KSR2: variants seen among roughly 807,000 people sequenced by gnomAD.
KSR2 encodes kinase suppressor of ras 2.
A neutral mutation model predicts 107.8 loss-of-function variants in KSR2; 25 were observed. The ratio of observed to expected loss-of-function variants is 0.23; its 90% confidence interval spans 0.17 to 0.32. The LOEUF (loss-of-function observed/expected upper bound fraction) is 0.32. KSR2 is among the 10% of genes least tolerant of loss of function. The pLI is 1.00. For missense variants in KSR2, 887 were observed against 1,268.9 expected, an observed-to-expected ratio of 0.70 and a Z score of 4.57; for synonymous variants, 480 against 507.0, an observed-to-expected ratio of 0.95 and a Z score of 0.71.
chr12:117,968,611 AAGGAGGAGAGAGAGGAGGAGGGAGAGG>A lies in KSR2; in HGVS notation c.-383_-357del. 1 of 416,630 alleles carries A rather than the reference AAGGAGGAGAGAGAGGAGGAGGGAGAGG, an allele frequency of 2.4e-6. No individual in the cohort carries two copies. Among genetic ancestry groups the A allele is most frequent in the Non-Finnish European group, 3.5e-6 (1 of 287,716 alleles). 25.8% of individuals were successfully genotyped at this position (416,630 alleles called of 1,614,324 possible). A position where few individuals can be genotyped will look rare whatever the true frequency, so the allele number is the denominator to read the frequency against. On this transcript the variant is annotated 5_prime_UTR_variant, in exon 1 of 20. Transcript: ENST00000339824. ...GGAGGAGGAGGAAAAAGAAGAGGAGAAGGAGGAGAGAGAGGAGGAGGGAGAGGAGGAGGAGGGAGAGGAGGAGGAGGA... is the reference window on the plus strand; with the variant it reads ...GGAGGAGGAGGAAAAAGAAGAGGAGAAGGAGGAGGGAGAGGAGGAGGAGGA...
intron 5 of KSR2, among the ~76,000 whole-genome samples, chr12:117,609,979 C>T (rs1442647483): frequency 6.6e-6 from 1 of 152,186 alleles, no homozygotes; most frequent in African/African-American, 2.4e-5. Context: ...CCTGAGCTGA[C>T]CCAACTTCCT....
chr12:117,610,077 A>G (rs371230114), intron 5 of KSR2, among the ~76,000 whole-genome samples: 162 of 152,236 alleles, frequency 1.1e-3, no homozygotes, highest in African/African-American at 3.5e-3. Context: ...GAGTCTGCTT[A>G]TATCGTTTTC....
intron 1 of KSR2, among the ~76,000 whole-genome samples, chr12:117,870,795 T>C (rs1328061721): frequency 3.3e-5 from 5 of 151,534 alleles, no homozygotes; most frequent in Non-Finnish European, 7.4e-5. Flanking sequence ...GAGGAGTGAG[T>C]TTAGGAAGCA....
chr12:117,644,524 G>A (rs1020796149), intron 5 of KSR2, among the ~76,000 whole-genome samples: 11 of 152,132 alleles, frequency 7.2e-5, no homozygotes, highest in African/African-American at 2.7e-4. Context: ...TATCCTCCAG[G>A]GGCTCTGATG....
chr12:117,543,670 T>C (rs1057511074), intron 9 of KSR2, among the ~76,000 whole-genome samples: 1 of 152,208 alleles, frequency 6.6e-6, no homozygotes, highest in Non-Finnish European at 1.5e-5. Flanking sequence ...TTCCAATCCA[T>C]GAACATGGTA....
intron 4 of KSR2, among the ~76,000 whole-genome samples, chr12:117,686,422 G>C (rs953101149): frequency 6.6e-6 from 1 of 151,922 alleles, no homozygotes; most frequent in Non-Finnish European, 1.5e-5. Flanking sequence ...CAGAGGGTCA[G>C]AGAGGCTAGG....
intron 18 of KSR2, among the ~76,000 whole-genome samples, chr12:117,470,046 T>A (rs1040648886): frequency 1.3e-5 from 2 of 151,584 alleles, no homozygotes; most frequent in African/African-American, 4.9e-5. Context: ...CATCTACCCA[T>A]CCAGTCAATT....
At chr12:117,855,634 C>T in intron 2 of KSR2, 56 bp from the exon 3 acceptor site, 1 of 1,568,352 alleles carries the variant, frequency 6.4e-7, no homozygotes, top group East Asian at 2.3e-5. Context: ...TCTCTGCCTC[C>T]ACGCTGCCCT....
At chr12:117,542,141 C>G (rs146264827) in intron 9 of KSR2, among the ~76,000 whole-genome samples, 117 of 152,234 alleles carry the variant, frequency 7.7e-4, no homozygotes, top group African/African-American at 2.6e-3. Context: ...ATCCTCCCCC[C>G]TCAGCCTCCC....
At position 117,526,316 on chromosome 12, in the gene KSR2, C is replaced by T. The variant is rs183439531; in HGVS notation, c.1851+755G>A. Among the ~76,000 whole-genome samples the T allele has an allele frequency of 2.3e-3, 355 of 152,278 alleles. 2 individuals carry two copies. Among genetic ancestry groups the T allele is most frequent in the Non-Finnish European group, 3.2e-3 (220 of 68,028 alleles). ...TTGGGGGCGAATTGCCTCTTGGATT[C>T]TCCTGCAGAATTGTGGGAGCAGCAG... On this transcript the variant is annotated intron_variant, in intron 13 of 19. Transcript: ENST00000339824.
At chr12:117,555,385 C>T in intron 8 of KSR2, 92 bp from the exon 9 acceptor site, 1 of 1,324,794 alleles carries the variant, frequency 7.5e-7, no homozygotes, top group South Asian at 1.3e-5. Flanking sequence ...ACCTCTTAGA[C>T]CCACCCTCCA....
chr12:117,637,938 A>G (rs1367217718), intron 5 of KSR2, among the ~76,000 whole-genome samples: 2 of 152,122 alleles, frequency 1.3e-5, no homozygotes, highest in Non-Finnish European at 2.9e-5. Context: ...CATAAACAGA[A>G]AAAACAGGAA....
chr12:117,859,233 T>C (rs76280850), intron 2 of KSR2, among the ~76,000 whole-genome samples: 2,831 of 148,638 alleles, frequency 0.019, 89 homozygotes, highest in African/African-American at 0.067. Flanking sequence ...GCAACATCTG[T>C]CTCACAGGTT....
intron 4 of KSR2, among the ~76,000 whole-genome samples, chr12:117,751,414 C>T (rs1888607821): frequency 6.6e-6 from 1 of 152,146 alleles, no homozygotes; most frequent in Admixed American, 6.5e-5. Flanking sequence ...GAGAATTTAA[C>T]CCTGGGTTAA....
chr12:117,731,838 A>G (rs892782423), intron 4 of KSR2, among the ~76,000 whole-genome samples: 4 of 147,484 alleles, frequency 2.7e-5, no homozygotes, highest in East Asian at 2.0e-4. Flanking sequence ...TGAAGGCAGC[A>G]TGCTCCTTAA....
intron 14 of KSR2, among the ~76,000 whole-genome samples, chr12:117,507,373 G>A (rs562553060): frequency 2.0e-5 from 3 of 152,290 alleles, no homozygotes; most frequent in South Asian, 2.1e-4. Context: ...TCCAATAAGG[G>A]AATGAGTTTA....
chr12:117,929,756 A>G (rs1177859963), intron 1 of KSR2, among the ~76,000 whole-genome samples: 1 of 152,230 alleles, frequency 6.6e-6, no homozygotes, highest in African/African-American at 2.4e-5. Flanking sequence ...GAAGCCAGAC[A>G]AAAAAGGACA....
chr12:117,545,763 T>C (rs1177931296), intron 9 of KSR2, among the ~76,000 whole-genome samples: 1 of 152,202 alleles, frequency 6.6e-6, no homozygotes, highest in Non-Finnish European at 1.5e-5. Context: ...GAGTTTCATC[T>C]TGACATAGCT....
intron 3 of KSR2, among the ~76,000 whole-genome samples, chr12:117,821,095 T>C (rs1030088432): frequency 6.6e-6 from 1 of 152,212 alleles, no homozygotes; most frequent in Non-Finnish European, 1.5e-5. Context: ...GACACAGTCA[T>C]AGCACCTAGT....
Sources: allele counts gnomAD v4.1 joint callset (sites outside exome capture counted in the v4.1 genomes callset), GRCh38; gene constraint gnomAD v4.1.1; transcripts MANE v1.5; gene names NCBI Gene and HGNC (gene_info 2026-07-23, HGNC 2026-07-21).